The following LDLRAP1 variants were observed in gnomAD, a reference collection of about 807,000 sequenced individuals.
LDLRAP1 encodes the protein low density lipoprotein receptor adapter protein 1.
LDLRAP1 carries 30 observed loss-of-function variants against 37.8 expected under a neutral mutation model. That is an observed-to-expected ratio of 0.79 (90% CI 0.59 to 1.08). The LOEUF (loss-of-function observed/expected upper bound fraction) is 1.08, where lower values mean the gene tolerates loss of function less well. Among genes scored for constraint, LDLRAP1 ranks in the 50% least tolerant of loss-of-function variants. The probability of loss-of-function intolerance (pLI) is 0.00; values close to 1 mark genes in which losing one functional copy is unlikely to be tolerated. For synonymous variants in LDLRAP1, 156 were observed against 169.8 expected (o/e 0.92, Z 0.63); for missense variants, 375 against 401.6 (o/e 0.93, Z 0.57).
At chr1:25,549,636 C>G (rs1406252054) in intron 1 of LDLRAP1, among the ~76,000 whole-genome samples, 2 of 152,180 alleles carry the variant, frequency 1.3e-5, no homozygotes, top group African/African-American at 4.8e-5. Context: ...TAACTAGGAC[C>G]GGAACAGGGC....
In LDLRAP1 at chr1:25,567,500, T is replaced by G. The variant is rs1448617222; in HGVS notation, c.*508T>G. On this transcript the variant is annotated 3_prime_UTR_variant, in exon 9 of 9. Coordinates refer to ENST00000374338, the MANE Select transcript of LDLRAP1 (RefSeq NM_015627.3). ...GCCGCAGAAGGGGAATGTGTCCTCC[T>G]GCTCTGCTTCCTCAGGGCCCAGCAG... The G allele has an allele frequency of 2.0e-5, 5 of 250,670 alleles. No individual in the cohort carries two copies. The highest frequency in any genetic ancestry group is 3.2e-5 in the Non-Finnish European group (4 of 126,332). 15.5% of individuals were successfully genotyped at this position (250,670 alleles called of 1,614,324 possible).
In LDLRAP1 at chr1:25,566,806, G is replaced by A. The variant is rs530732553; in HGVS notation, c.783-42G>A. 5.0e-6 allele frequency: 8 copies of A among 1,589,696 alleles called. No individual in the cohort carries two copies. In the East Asian group the frequency reaches 1.6e-4, roughly 32 times the overall value. ...TCGCGTCTGACCCTGGGGCGCGCCA[G>A]CCCTCACCCAGGCTCTCGGCTCACA... On this transcript the variant is annotated intron_variant, in intron 8 of 8. Transcript: ENST00000374338.
At chr1:25,582,142 C>T in the LDLRAP1 span, among the ~76,000 whole-genome samples, 1 of 152,208 alleles carries the variant, frequency 6.6e-6, no homozygotes, top group Admixed American at 6.5e-5. Context: ...CCTCAGTTTT[C>T]TTGTCTCTCA....
the LDLRAP1 span, among the ~76,000 whole-genome samples, chr1:25,578,643 T>C: frequency 6.6e-6 from 1 of 152,144 alleles, no homozygotes; most frequent in Non-Finnish European, 1.5e-5. Context: ...GCCTGTTGAA[T>C]AGCTGGGACG....
rs2044533916 is a variant in LDLRAP1, at chr1:25,568,157, T to C, written c.*1165T>C. On this transcript the variant is annotated 3_prime_UTR_variant, in exon 9 of 9. Transcript: ENST00000374338. ...CCAAAATGTGTTTCATAACAAACCATCTGGTGCCTTTCCACACAGAACTGG... is the reference window on the plus strand; with the variant it reads ...CCAAAATGTGTTTCATAACAAACCACCTGGTGCCTTTCCACACAGAACTGG... 1 of 152,608 alleles carries C rather than the reference T, an allele frequency of 6.6e-6. No individual in the cohort carries two copies. The highest frequency in any genetic ancestry group is 2.1e-4 in the South Asian group (1 of 4,832). The allele number at this position is 152,608 out of a possible 1,614,324, so 9.5% of individuals were successfully genotyped here.
intron 1 of LDLRAP1, among the ~76,000 whole-genome samples, chr1:25,546,999 G>A (rs1183915976): frequency 2.6e-5 from 3 of 117,420 alleles, no homozygotes; most frequent in Non-Finnish European, 5.7e-5. Flanking sequence ...GTGGACATTG[G>A]TAGCAGGACA....
chr1:25,570,413 A>G (rs1371385406), downstream of LDLRAP1, among the ~76,000 whole-genome samples: 1 of 152,186 alleles, frequency 6.6e-6, no homozygotes, highest in East Asian at 1.9e-4. Context: ...CTGCTCTCCC[A>G]GGAAGAGATC....
the LDLRAP1 span, among the ~76,000 whole-genome samples, chr1:25,583,430 T>C: frequency 6.6e-6 from 1 of 152,092 alleles, no homozygotes; most frequent in Non-Finnish European, 1.5e-5. Flanking sequence ...TGACCTCAAG[T>C]GATCTGCCCA....
the LDLRAP1 span, among the ~76,000 whole-genome samples, chr1:25,589,481 G>T: frequency 6.6e-6 from 1 of 152,146 alleles, no homozygotes; most frequent in South Asian, 2.1e-4. Context: ...TTCTAGAAGA[G>T]ATTCACATTT....
chr1:25,565,137 A>G (rs1259610206), intron 7 of LDLRAP1, 36 bp from the exon 8 acceptor site: 3 of 1,612,950 alleles, frequency 1.9e-6, no homozygotes, highest in Middle Eastern at 1.6e-4. Context: ...GGCTCCCCCA[A>G]ACATAGTTCT....
chr1:25,547,810 G>C (rs543677346), intron 1 of LDLRAP1, among the ~76,000 whole-genome samples: 67 of 152,362 alleles, frequency 4.4e-4, no homozygotes, highest in African/African-American at 1.6e-3. Flanking sequence ...CCTCTGAGAA[G>C]GTGACTCGGT....
At position 25,565,205 on chromosome 1, in the gene LDLRAP1, G is replaced by C. The variant is rs752761177; in HGVS notation, c.780G>C (p.Ser260=). 1 of 1,614,060 alleles carries C rather than the reference G, an allele frequency of 6.2e-7. No individual in the cohort carries two copies. The highest frequency in any genetic ancestry group is 1.7e-5 in the Admixed American group (1 of 60,024). ...ATGATGGCCTGGATGAAGCGTTTTCGAGGTAATGCTAGCTTCCTGTGCTGG... is the reference window on the plus strand; with the variant it reads ...ATGATGGCCTGGATGAAGCGTTTTCCAGGTAATGCTAGCTTCCTGTGCTGG... ...ELDDGLDEAF[S]RLAQSRTNPQ... The change falls in exon 8 of 9, where the codon TCG becomes TCC. Residue 260 remains serine, a splice_region_variant and synonymous_variant. Transcript: ENST00000374338.
chr1:25,565,016 A>C (rs1385491830), intron 7 of LDLRAP1, 157 bp from the exon 8 acceptor site: 3 of 757,314 alleles, frequency 4.0e-6, no homozygotes, highest in Non-Finnish European at 7.1e-6. Flanking sequence ...CTGGCGATGC[A>C]CCCAGGCAGG....
At chr1:25,559,035 C>T (rs1239216064) in intron 4 of LDLRAP1, among the ~76,000 whole-genome samples, 1 of 152,126 alleles carries the variant, frequency 6.6e-6, no homozygotes, top group Non-Finnish European at 1.5e-5. Context: ...CTGAAAGGCC[C>T]CGGGTTCTTT....
At chr1:25,547,524 A>G (rs2043965503) in intron 1 of LDLRAP1, among the ~76,000 whole-genome samples, 1 of 151,990 alleles carries the variant, frequency 6.6e-6, no homozygotes, top group Non-Finnish European at 1.5e-5. Context: ...AAATAAATAA[A>G]TAAAGCAAAT....
chr1:25,562,815 C>A, intron 5 of LDLRAP1, 99 bp downstream of exon 5: 1 of 1,106,040 alleles, frequency 9.0e-7, no homozygotes. Flanking sequence ...TCATCACCCA[C>A]CTGGCTTGTG....
Position 25,563,764 on chromosome 1 carries a change from A to G in LDLRAP1, c.720A>G (p.Gln240=), listed in dbSNP as rs768813208. The change falls in exon 7 of 9, where the codon CAA becomes CAG. Residue 240 remains glutamine (Q), a synonymous_variant. Coordinates refer to ENST00000374338, the MANE Select transcript of LDLRAP1 (RefSeq NM_015627.3). ...ACATGGACGAGGTGCCGCGGCCACA[A>G]GCCTTGAGTGGCAGCAGTGTTGTCT... ...TTNMDEVPRP[Q]ALSGSSVVWE... The G allele has an allele frequency of 2.1e-5, 34 of 1,613,880 alleles. No individual in the cohort carries two copies. The highest frequency in any genetic ancestry group is 2.7e-5 in the Non-Finnish European group (32 of 1,180,034).
At chr1:25,583,976 C>G in the LDLRAP1 span, among the ~76,000 whole-genome samples, 1 of 152,130 alleles carries the variant, frequency 6.6e-6, no homozygotes, top group African/African-American at 2.4e-5. Context: ...TCGTGTCTCC[C>G]TCTCTATTTT....
chr1:25,582,355 G>C, the LDLRAP1 span, among the ~76,000 whole-genome samples: 1 of 152,158 alleles, frequency 6.6e-6, no homozygotes, highest in Admixed American at 6.5e-5. Context: ...GGGAGGCCAA[G>C]GCGGGCAGAT....
Sources: gnomAD v4.1 joint callset for allele counts (sites outside exome capture counted in the v4.1 genomes callset) on GRCh38, gnomAD v4.1.1 for gene constraint, MANE v1.5 for transcripts, NCBI Gene and HGNC (gene_info 2026-07-23, HGNC 2026-07-21) for gene names.